SLC24A3: variants seen among roughly 807,000 people sequenced by gnomAD.
The protein encoded by SLC24A3 is sodium/potassium/calcium exchanger 3.
A neutral mutation model predicts 75.8 loss-of-function variants in SLC24A3; 28 were observed. That is an observed-to-expected ratio of 0.37 (90% CI 0.27 to 0.51). SLC24A3 has a LOEUF of 0.51. Ranked by LOEUF, SLC24A3 falls within the 20% of genes least tolerant of loss-of-function variation. The pLI is 0.94. For missense variants in SLC24A3, 663 were observed against 847.8 expected (o/e 0.78, Z 2.71); for synonymous variants, 372 against 334.1 (o/e 1.11, Z -1.24).
chr20:19,367,210 GGAAGTGGAGT>G (rs1985908394), intron 2 of SLC24A3, among the ~76,000 whole-genome samples: 2 of 152,252 alleles, frequency 1.3e-5, no homozygotes, highest in African/African-American at 4.8e-5. Flanking sequence ...GTGGACAGAA[GGAAGTGGAGT>G]TGCCTGAGCA....
chr20:19,592,646 A>G (rs1476508250), intron 6 of SLC24A3, among the ~76,000 whole-genome samples: 3 of 152,132 alleles, frequency 2.0e-5, no homozygotes, highest in Admixed American at 6.5e-5. Context: ...GACTCCTTCC[A>G]TGTAGTTTTC....
intron 2 of SLC24A3, among the ~76,000 whole-genome samples, chr20:19,501,091 A>G (rs1308094405): frequency 2.0e-5 from 3 of 152,196 alleles, no homozygotes; most frequent in Non-Finnish European, 4.4e-5. Flanking sequence ...AAAGATGACA[A>G]TCTTTGTGCC....
intron 6 of SLC24A3, among the ~76,000 whole-genome samples, chr20:19,626,741 G>C (rs146536422): frequency 7.3e-4 from 111 of 152,342 alleles, no homozygotes; most frequent in African/African-American, 2.6e-3. Flanking sequence ...CCAGGAGTAA[G>C]AATGAGCAGT....
rs2029969519 is a variant in SLC24A3 at position 19,515,546 on chromosome 20, G to T, written c.330G>T (p.Val110=). ...ACGAGGATAGAAGACAAGGTGCGGTGGTCCTCCATGTGCTCTGTGTAAGTA... is the reference window on the plus strand; with the variant it reads ...ACGAGGATAGAAGACAAGGTGCGGTTGTCCTCCATGTGCTCTGTGTAAGTA... ...FTNEDRRQGA[V]VLHVLCAIYM... is the part of the protein sequence containing the mutation. Residue 110 remains valine, a synonymous_variant, in exon 3 of 17, where the codon GTG becomes GTT. Coordinates refer to ENST00000328041, the MANE Select transcript of SLC24A3 (RefSeq NM_020689.4). 12 of 1,614,136 alleles carry T rather than the reference G, an allele frequency of 7.4e-6. No homozygotes were observed. In the East Asian group the frequency reaches 2.7e-4, roughly 36 times the overall value.
At chr20:19,601,887 T>C (rs565138992) in intron 6 of SLC24A3, among the ~76,000 whole-genome samples, 1 of 152,250 alleles carries the variant, frequency 6.6e-6, no homozygotes, top group African/African-American at 2.4e-5. Flanking sequence ...AAGTTATTAT[T>C]ATTGGCCAAG....
chr20:19,251,078 C>T lies in SLC24A3; in HGVS notation c.143-29881C>T, dbSNP rs141739741. Reference sequence around the variant, plus strand: ...CATTCTGGTACCATTACAGACATCACTAATTGATAACCTATGTATTCAACC... The same window carrying T: ...CATTCTGGTACCATTACAGACATCATTAATTGATAACCTATGTATTCAACC... On this transcript the variant is annotated intron_variant, in intron 1 of 16. Coordinates refer to ENST00000328041, the MANE Select transcript of SLC24A3 (RefSeq NM_020689.4). Among the ~76,000 whole-genome samples, 653 of 152,328 alleles carry T rather than the reference C, an allele frequency of 4.3e-3. 5 individuals carry two copies. Among genetic ancestry groups the T allele is most frequent in the African/African-American group, 0.013 (557 of 41,566 alleles).
intron 2 of SLC24A3, among the ~76,000 whole-genome samples, chr20:19,501,104 T>C (rs1199735886): frequency 6.6e-6 from 1 of 152,196 alleles, no homozygotes; most frequent in East Asian, 1.9e-4. Context: ...TTTGTGCCAA[T>C]GACACAAACT....
chr20:19,437,442 C>A (rs957346725), intron 2 of SLC24A3, among the ~76,000 whole-genome samples: 5 of 152,360 alleles, frequency 3.3e-5, no homozygotes, highest in African/African-American at 1.2e-4. Context: ...CCATGCGGAA[C>A]TGTGAGTCAA....
intron 3 of SLC24A3, among the ~76,000 whole-genome samples, chr20:19,545,234 G>A (rs1428206722): frequency 5.3e-5 from 8 of 152,324 alleles, no homozygotes; most frequent in Admixed American, 3.3e-4. Context: ...CAATTATCCA[G>A]CTCTGCAGGA....
At chr20:19,367,900 G>A (rs1433955255) in intron 2 of SLC24A3, among the ~76,000 whole-genome samples, 2 of 152,202 alleles carry the variant, frequency 1.3e-5, no homozygotes, top group African/African-American at 4.8e-5. Context: ...ATCACTGGAT[G>A]TCTGCTGAGT....
At chr20:19,334,755 G>A (rs6035300) in intron 2 of SLC24A3, among the ~76,000 whole-genome samples, 1,614 of 152,244 alleles carry the variant, frequency 0.011, 26 homozygotes, top group African/African-American at 0.035. Context: ...TCAGAGCTCT[G>A]TAAGCCAGGA....
intron 2 of SLC24A3, among the ~76,000 whole-genome samples, chr20:19,479,809 G>A (rs1186206787): frequency 2.0e-5 from 3 of 152,214 alleles, no homozygotes; most frequent in Admixed American, 1.3e-4. Context: ...ATGAGGAAAG[G>A]ACCTCGACAC....
intron 1 of SLC24A3, among the ~76,000 whole-genome samples, chr20:19,268,115 G>A (rs1983220660): frequency 1.3e-5 from 2 of 152,084 alleles, no homozygotes; most frequent in African/African-American, 4.8e-5. Flanking sequence ...CATGTAAGGT[G>A]CATCATGCTG....
rs370738814 is a variant in SLC24A3 at position 19,546,414 on chromosome 20, T to C, written c.348+30850T>C. 6.6e-5 allele frequency among the ~76,000 whole-genome samples: 10 copies of C among 152,234 alleles called. 2 individuals are homozygous for C. On this transcript the variant is annotated intron_variant, in intron 3 of 16. Transcript: ENST00000328041. ...TCCTTTCCTTCCTTCTCCCATCTTT[T>C]AAAGTAATAGATTACAAACCAAATC...
chr20:19,685,806 G>A (rs1222824402), intron 12 of SLC24A3, among the ~76,000 whole-genome samples: 1 of 152,142 alleles, frequency 6.6e-6, no homozygotes, highest in East Asian at 1.9e-4. Context: ...CTACCTTCCA[G>A]CAAGCAGGAA....
chr20:19,701,190 T>C (rs1343157918), intron 15 of SLC24A3, among the ~76,000 whole-genome samples: 2 of 152,054 alleles, frequency 1.3e-5, no homozygotes, highest in African/African-American at 4.8e-5. Context: ...ATGAAAAGCA[T>C]GTTGAATAAA....
chr20:19,419,486 A>T (rs866572535), intron 2 of SLC24A3, among the ~76,000 whole-genome samples: 3 of 152,076 alleles, frequency 2.0e-5, no homozygotes, highest in Admixed American at 6.6e-5. Flanking sequence ...TGATGGATTT[A>T]ATACTTAATG....
intron 6 of SLC24A3, among the ~76,000 whole-genome samples, chr20:19,633,390 C>G (rs2031959332): frequency 6.6e-6 from 1 of 152,126 alleles, no homozygotes; most frequent in Non-Finnish European, 1.5e-5. Context: ...TGGCTCACGC[C>G]TGTAATCCCA....
intron 15 of SLC24A3, among the ~76,000 whole-genome samples, chr20:19,705,918 A>G (rs1372902393): frequency 1.3e-5 from 2 of 152,206 alleles, no homozygotes; most frequent in African/African-American, 2.4e-5. Flanking sequence ...TCTAAAAGTC[A>G]AAGTTTGGAA....
Sources: allele counts gnomAD v4.1 joint callset (sites outside exome capture counted in the v4.1 genomes callset), GRCh38; gene constraint gnomAD v4.1.1; transcripts MANE v1.5; gene names NCBI Gene and HGNC (gene_info 2026-07-23, HGNC 2026-07-21).